DIPK1A: variants seen among roughly 807,000 people sequenced by gnomAD.
DIPK1A encodes divergent protein kinase domain 1A, also known as family with sequence similarity 69 member A.
In DIPK1A, 27 loss-of-function variants were observed where a neutral mutation model predicts 40.8. That is an observed-to-expected ratio of 0.66 (90% confidence interval 0.49 to 0.91). The LOEUF is 0.91. DIPK1A is among the 40% of genes least tolerant of loss of function. The pLI, the probability that DIPK1A is intolerant of heterozygous loss-of-function variation, is 0.00. For missense variants in DIPK1A, 412 were observed against 505.7 expected (o/e 0.81, Z 1.78); for synonymous variants, 166 against 171.3 (o/e 0.97, Z 0.24).
At chr1:92,868,660 C>T (rs1348077583) in intron 2 of DIPK1A, among the ~76,000 whole-genome samples, 3 of 151,972 alleles carry the variant, frequency 2.0e-5, no homozygotes. Context: ...TATACACATT[C>T]CACAATAAGA....
intron 1 of DIPK1A, among the ~76,000 whole-genome samples, chr1:92,891,310 A>T (rs1648864618): frequency 2.0e-5 from 3 of 148,202 alleles, no homozygotes; most frequent in African/African-American, 2.5e-5. Flanking sequence ...TTTTTAGTTG[A>T]TCTTTATTAT....
At chr1:92,930,698 TTTC>T (rs1455262777) in intron 1 of DIPK1A, 2 of 152,206 alleles carry the variant, frequency 1.3e-5, no homozygotes, top group Non-Finnish European at 2.9e-5. Flanking sequence ...TGCCATGCTG[TTTC>T]TTCTTTCTAT....
intron 2 of DIPK1A, among the ~76,000 whole-genome samples, chr1:92,857,830 C>T (rs1470052737): frequency 3.3e-5 from 5 of 152,068 alleles, no homozygotes; most frequent in Non-Finnish European, 7.4e-5. Flanking sequence ...GATAGTCTGC[C>T]TCCAGAGCCT....
intron 2 of DIPK1A, among the ~76,000 whole-genome samples, chr1:92,864,415 GT>G (rs1257023854): frequency 3.3e-5 from 5 of 152,170 alleles, no homozygotes; most frequent in Non-Finnish European, 7.3e-5. Flanking sequence ...GGCCACAAAG[GT>G]TTGCTAGAGT....
chr1:92,863,283 C>T (rs80214117), intron 2 of DIPK1A, among the ~76,000 whole-genome samples: 3 of 152,154 alleles, frequency 2.0e-5, no homozygotes, highest in African/African-American at 4.8e-5. Context: ...GCTGGCTTGT[C>T]TTTTCTAAGT....
At chr1:92,914,404 G>A (rs1164166801) in intron 1 of DIPK1A, among the ~76,000 whole-genome samples, 1 of 152,060 alleles carries the variant, frequency 6.6e-6, no homozygotes, top group Non-Finnish European at 1.5e-5. Context: ...AGACATCAGG[G>A]AGGCAACAAG....
intron 1 of DIPK1A, among the ~76,000 whole-genome samples, chr1:92,927,961 C>T (rs1211072390): frequency 2.0e-5 from 3 of 152,174 alleles, no homozygotes; most frequent in Non-Finnish European, 2.9e-5. Context: ...TTCATTTCCA[C>T]TGGGTATATA....
At chr1:92,883,806 A>G (rs2100789013) in intron 1 of DIPK1A, among the ~76,000 whole-genome samples, 1 of 152,304 alleles carries the variant, frequency 6.6e-6, no homozygotes, top group Middle Eastern at 3.4e-3. Context: ...AGAGGACCAC[A>G]TAAGGGCATG....
chr1:92,854,951 AG>A (rs1463954828), intron 2 of DIPK1A, among the ~76,000 whole-genome samples: 3 of 152,212 alleles, frequency 2.0e-5, no homozygotes, highest in African/African-American at 4.8e-5. Flanking sequence ...AGGGTTTCCA[AG>A]GAAGTCATAT....
intron 1 of DIPK1A, among the ~76,000 whole-genome samples, chr1:92,903,652 T>A (rs1452050941): frequency 2.6e-5 from 4 of 152,138 alleles, no homozygotes; most frequent in Non-Finnish European, 4.4e-5. Flanking sequence ...GGAGAGCTAG[T>A]CAAAATCTAA....
chr1:92,847,328 C>T lies in DIPK1A; in HGVS notation c.329G>A (p.Gly110Asp). The change falls in exon 4 of 5, where the codon GGT becomes GAT. Residue 110 changes from glycine to aspartate, a missense_variant. Coordinates refer to ENST00000370310, the MANE Select transcript of DIPK1A (RefSeq NM_001006605.5). The part of the protein sequence containing the change: ...MYLGIWDNLP[G>D]VVKCQMEQAL... Reference sequence around the variant, plus strand: ...TTGTTCCATTTGACATTTCACAACACCTGGTAGATTATCCCAAATCCCTAA... The same window carrying T: ...TTGTTCCATTTGACATTTCACAACATCTGGTAGATTATCCCAAATCCCTAA... 2.5e-6 allele frequency: 4 copies of T among 1,609,870 alleles called. No homozygotes were observed. Among genetic ancestry groups the T allele is most frequent in the Non-Finnish European group, 3.4e-6 (4 of 1,177,964 alleles).
At chr1:92,840,046 G>T (rs1687290056), downstream of DIPK1A, among the ~76,000 whole-genome samples, 1 of 150,078 alleles carries the variant, frequency 6.7e-6, no homozygotes, top group Non-Finnish European at 1.5e-5. Flanking sequence ...TAGAGATGAG[G>T]TCTCATTCTG....
chr1:92,941,518 A>C (rs778858681), intron 1 of DIPK1A, among the ~76,000 whole-genome samples: 1 of 152,232 alleles, frequency 6.6e-6, no homozygotes, highest in Non-Finnish European at 1.5e-5. Flanking sequence ...TCCCTGAGAC[A>C]GTATTTCTCG....
chr1:92,959,028 G>A (rs1357346841), intron 1 of DIPK1A, among the ~76,000 whole-genome samples: 1 of 152,202 alleles, frequency 6.6e-6, no homozygotes, highest in African/African-American at 2.4e-5. Flanking sequence ...GCTCATGCCT[G>A]TAATCCCATC....
At chr1:92,938,601 G>C (rs1158394447) in intron 1 of DIPK1A, among the ~76,000 whole-genome samples, 1 of 151,312 alleles carries the variant, frequency 6.6e-6, no homozygotes, top group African/African-American at 2.4e-5. Context: ...AAAATAGCAA[G>C]AGTCCAACAT....
chr1:92,934,434 T>C (rs1650873372), intron 1 of DIPK1A, among the ~76,000 whole-genome samples: 1 of 152,212 alleles, frequency 6.6e-6, no homozygotes. Context: ...ATAAAAGTTT[T>C]TTTTTCTTAA....
In DIPK1A at chr1:92,842,310, T is replaced by C. The variant is rs776276347; in HGVS notation, c.*1073A>G. 2.1e-5 allele frequency: 21 copies of C among 986,268 alleles called. No homozygotes were observed. The highest frequency in any genetic ancestry group is 2.5e-5 in the Non-Finnish European group (21 of 830,592). 61.1% of individuals were successfully genotyped at this position (986,268 alleles called of 1,614,324 possible). A position where few individuals can be genotyped will look rare whatever the true frequency, so the allele number is the denominator to read the frequency against. Reference sequence around the variant, plus strand: ...ATGGTCACATAGATTTTTAACATGTTCCACTTTAGGTAGGCGAAACCTTTG... The same window carrying C: ...ATGGTCACATAGATTTTTAACATGTCCCACTTTAGGTAGGCGAAACCTTTG... On this transcript the variant is annotated 3_prime_UTR_variant, in exon 5 of 5. Transcript: ENST00000370310.
chr1:92,874,983 G>C (rs1648050780), intron 2 of DIPK1A, among the ~76,000 whole-genome samples: 1 of 152,018 alleles, frequency 6.6e-6, no homozygotes, highest in Admixed American at 6.6e-5. Flanking sequence ...ATGAACACAG[G>C]ATTGCTATCT....
At chr1:92,891,935 T>G (rs1230535486) in intron 1 of DIPK1A, among the ~76,000 whole-genome samples, 1 of 151,236 alleles carries the variant, frequency 6.6e-6, no homozygotes, top group Admixed American at 6.6e-5. Context: ...GAGATCAAAC[T>G]GCAAGGCGGC....
Sources: gnomAD v4.1 joint callset for allele counts (sites outside exome capture counted in the v4.1 genomes callset) on GRCh38, gnomAD v4.1.1 for gene constraint, MANE v1.5 for transcripts, NCBI Gene and HGNC (gene_info 2026-07-23, HGNC 2026-07-21) for gene names.